Variants in PXK observed in about 807,000 individuals in gnomAD.
PXK encodes the protein PX domain containing serine/threonine kinase like.
In PXK, 35 loss-of-function variants were observed where a neutral mutation model predicts 84.7. The observed-to-expected ratio is 0.41, with a 90% CI of 0.32 to 0.55. PXK has a LOEUF of 0.55. PXK is among the 20% of genes least tolerant of loss of function. The pLI, the probability that PXK is intolerant of heterozygous loss-of-function variation, is 0.21. For missense variants in PXK, 634 were observed against 699.7 expected (o/e 0.91, Z 1.06); for synonymous variants, 253 against 260.8 (o/e 0.97, Z 0.29).
rs1456927038 is a variant in PXK, at chr3:58,416,119, G to A, written c.1528+3156G>A. On this transcript the variant is annotated intron_variant, in intron 17 of 17. Coordinates refer to ENST00000356151, the MANE Select transcript of PXK (RefSeq NM_017771.5). The surrounding 1 kb of genome is among the most constrained non-coding windows in gnomAD (Gnocchi z 4.8). ...TAGTCTTCTTTTCCTCCTAATCTGG[G>A]ATCTTTGTGGTGAGGGTCTTCAGTG... Among the ~76,000 whole-genome samples, 1 of 152,178 alleles carries A rather than the reference G, an allele frequency of 6.6e-6. No individual in the cohort carries two copies. The highest frequency in any genetic ancestry group is 6.5e-5 in the Admixed American group (1 of 15,290).
chr3:58,349,956 T>C (rs1389504428), intron 1 of PXK, among the ~76,000 whole-genome samples: 1 of 152,194 alleles, frequency 6.6e-6, no homozygotes, highest in Non-Finnish European at 1.5e-5. Flanking sequence ...CCAGAGCCTC[T>C]GTGGTTTTTA....
At chr3:58,422,149 G>A (rs2061982199) in intron 17 of PXK, 1 of 985,242 alleles carries the variant, frequency 1.0e-6, no homozygotes, top group Admixed American at 6.2e-5. Flanking sequence ...GGAAGCTTGT[G>A]GACCATGGAA....
Position 58,408,926 on chromosome 3 carries a change from C to A in PXK, c.1233C>A (p.Ile411=). 4 of 1,570,750 alleles carry A rather than the reference C, an allele frequency of 2.5e-6. No homozygotes were observed. The highest frequency in any genetic ancestry group is 2.6e-6 in the Non-Finnish European group (3 of 1,141,028). Residue 411 remains isoleucine, a splice_region_variant and synonymous_variant, in exon 14 of 18, where the codon ATC becomes ATA. Coordinates refer to ENST00000356151, the MANE Select transcript of PXK (RefSeq NM_017771.5). ...LTTSEKPQFK[I]PTKLKEALRI... is the part of the protein sequence containing the mutation. ...GATGTACTTTTCTCTCCTTTCAGAT[C>A]CCTACAAAGTTAAAAGAGGCATTGA...
intron 9 of PXK, among the ~76,000 whole-genome samples, chr3:58,396,571 A>G (rs1308872279): frequency 6.6e-6 from 1 of 152,186 alleles, no homozygotes; most frequent in African/African-American, 2.4e-5. Flanking sequence ...GTGTGTTCCT[A>G]TTAATAAACA....
In PXK at chr3:58,365,932, TC is replaced by T. The variant is rs373583348; in HGVS notation, c.153+9del. On this transcript the variant is annotated intron_variant, in intron 2 of 17. Transcript: ENST00000356151. Reference sequence around the variant, plus strand: ...GTGGAAAACAGCTGGCAGGTAAGCATCTTTTTTTTTTTTTTTGTCAATTAGA... The same window carrying T: ...GTGGAAAACAGCTGGCAGGTAAGCATTTTTTTTTTTTTTTTGTCAATTAGA... 4.0e-6 allele frequency: 6 copies of T among 1,497,566 alleles called. No homozygotes were observed. The highest frequency in any genetic ancestry group is 1.2e-5 in the South Asian group (1 of 81,000). The allele number at this position is 1,497,566 out of a possible 1,614,324, so 92.8% of individuals were successfully genotyped here. A position where few individuals can be genotyped will look rare whatever the true frequency, so the allele number is the denominator to read the frequency against.
intron 1 of PXK, among the ~76,000 whole-genome samples, chr3:58,357,298 T>C (rs937573287): frequency 3.3e-5 from 5 of 151,034 alleles, no homozygotes; most frequent in South Asian, 2.1e-4. Flanking sequence ...AAACAAAAAC[T>C]AAGACATAAA....
rs1010824622 is a variant in PXK at position 58,333,386 on chromosome 3, G to A, written c.102+296G>A. ...ACTCCGAGTTGGGGGGCGGGGGCGG[G>A]GGCTGCGGGATTCCCGGGCTCACCT... On this transcript the variant is annotated intron_variant, in intron 1 of 17. Coordinates refer to ENST00000356151, the MANE Select transcript of PXK (RefSeq NM_017771.5). This position sits in a 1 kb window ranked among gnomAD's most constrained non-coding sequence, Gnocchi z 5.4. 1.0e-5 allele frequency: 3 copies of A among 292,684 alleles called. No individual in the cohort carries two copies. Among genetic ancestry groups the A allele is most frequent in the African/African-American group, 4.4e-5 (2 of 45,834 alleles). 18.1% of individuals were successfully genotyped at this position (292,684 alleles called of 1,614,324 possible).
At chr3:58,389,034 C>T (rs2098596416) in intron 4 of PXK, among the ~76,000 whole-genome samples, 2 of 152,176 alleles carry the variant, frequency 1.3e-5, no homozygotes, top group South Asian at 4.1e-4. Context: ...ACAGATGTTG[C>T]TTTTTACAGG....
chr3:58,408,396 T>A (rs895253615), intron 13 of PXK, among the ~76,000 whole-genome samples: 15 of 152,220 alleles, frequency 9.9e-5, no homozygotes, highest in African/African-American at 3.1e-4. Context: ...ACATATCATG[T>A]TTATTTATGT....
At chr3:58,338,814 A>C (rs2097672865) in intron 1 of PXK, among the ~76,000 whole-genome samples, 3 of 150,832 alleles carry the variant, frequency 2.0e-5, no homozygotes, top group South Asian at 2.1e-4. Flanking sequence ...TCCCGAGTAG[A>C]TGGGATTACA....
chr3:58,333,234 G>A lies in PXK; in HGVS notation c.102+144G>A, dbSNP rs2097527358. On this transcript the variant is annotated intron_variant, in intron 1 of 17. Coordinates refer to ENST00000356151, the MANE Select transcript of PXK (RefSeq NM_017771.5). This position sits in a 1 kb window ranked among gnomAD's most constrained non-coding sequence, Gnocchi z 5.4. ...CGGCCCTGGCCGAGAAGGCTGTGGCGCGCCGCTGGGTCTGGGTCAGGGCCC... is the reference window on the plus strand; with the variant it reads ...CGGCCCTGGCCGAGAAGGCTGTGGCACGCCGCTGGGTCTGGGTCAGGGCCC... The A allele has an allele frequency of 8.0e-6, 3 of 374,614 alleles. No individual in the cohort carries two copies. Among genetic ancestry groups the A allele is most frequent in the Non-Finnish European group, 1.1e-5 (3 of 267,082 alleles). The allele number at this position is 374,614 out of a possible 1,614,324, so 23.2% of individuals were successfully genotyped here. A position where few individuals can be genotyped will look rare whatever the true frequency, so the allele number is the denominator to read the frequency against.
rs1056732733 is a variant in PXK at position 58,401,140 on chromosome 3, T to C, written c.1181+1763T>C. Among the ~76,000 whole-genome samples, 1 of 152,220 alleles carries C rather than the reference T, an allele frequency of 6.6e-6. No individual in the cohort carries two copies. Among genetic ancestry groups the C allele is most frequent in the Admixed American group, 6.5e-5 (1 of 15,274 alleles). ...ATATTTTTTTCTTCACCTAAGTCTT[T>C]CTACGATGTGGGCTTCAGCTATGAG... On this transcript the variant is annotated intron_variant, in intron 12 of 17. Transcript: ENST00000356151. This position sits in a 1 kb window ranked among gnomAD's most constrained non-coding sequence, Gnocchi z 4.4.
intron 1 of PXK, among the ~76,000 whole-genome samples, chr3:58,346,718 C>T (rs2097826884): frequency 6.6e-6 from 1 of 150,950 alleles, no homozygotes; most frequent in Admixed American, 6.6e-5. Context: ...AGTGCAGTAG[C>T]GTGATCTTGG....
chr3:58,343,553 G>C (rs2097770548), intron 1 of PXK, among the ~76,000 whole-genome samples: 1 of 152,230 alleles, frequency 6.6e-6, no homozygotes, highest in Non-Finnish European at 1.5e-5. Context: ...AGGGGCTCAT[G>C]CTGTTGAGGG....
intron 3 of PXK, among the ~76,000 whole-genome samples, chr3:58,374,913 A>G (rs998225723): frequency 2.6e-5 from 4 of 152,212 alleles, no homozygotes; most frequent in African/African-American, 9.6e-5. Flanking sequence ...AACTTAGGGC[A>G]GGAAAACCAC....
chr3:58,389,389 C>T (rs1413901769), intron 4 of PXK, among the ~76,000 whole-genome samples: 3 of 152,082 alleles, frequency 2.0e-5, no homozygotes, highest in Non-Finnish European at 4.4e-5. Context: ...GGGTTGTGGT[C>T]TGGTGCATAT....
chr3:58,365,215 T>G (rs2098252679), intron 1 of PXK, among the ~76,000 whole-genome samples: 1 of 152,138 alleles, frequency 6.6e-6, no homozygotes, highest in African/African-American at 2.4e-5. Flanking sequence ...TGCTGTATTT[T>G]CTTTCAGTTC....
At chr3:58,335,068 G>A (rs569186812) in intron 1 of PXK, among the ~76,000 whole-genome samples, 22 of 143,710 alleles carry the variant, frequency 1.5e-4, no homozygotes, top group Non-Finnish European at 2.9e-4. Flanking sequence ...TGGAGACAGC[G>A]TCTCACCATG....
chr3:58,361,218 C>T (rs1471242670), intron 1 of PXK, among the ~76,000 whole-genome samples: 1 of 149,700 alleles, frequency 6.7e-6, no homozygotes. Context: ...ATCACTTGAA[C>T]CCGGGAGGCG....
Sources: gnomAD v4.1 joint callset for allele counts (sites outside exome capture counted in the v4.1 genomes callset) on GRCh38, gnomAD v4.1.1 for gene constraint, Gnocchi (gnomAD v3.1) non-coding constraint, MANE v1.5 for transcripts, NCBI Gene and HGNC (gene_info 2026-07-23, HGNC 2026-07-21) for gene names.